SRGAP3: variants seen among roughly 807,000 people sequenced by gnomAD.
SRGAP3 encodes the protein SLIT-ROBO Rho GTPase activating protein 3.
In SRGAP3, 39 loss-of-function variants were observed where a neutral mutation model predicts 121.1. The ratio of observed to expected loss-of-function variants is 0.32; its 90% confidence interval spans 0.25 to 0.42. The LOEUF is 0.42. Among genes scored for constraint, SRGAP3 ranks in the 10% least tolerant of loss-of-function variants. The pLI, the probability that SRGAP3 is intolerant of heterozygous loss-of-function variation, is 1.00. For missense variants in SRGAP3, 1,213 were observed against 1,470.6 expected (o/e 0.82, Z 2.86); for synonymous variants, 601 against 570.0 (o/e 1.05, Z -0.77).
chr3:9,135,226 G>A (rs966531762), intron 1 of SRGAP3, among the ~76,000 whole-genome samples: 3 of 152,180 alleles, frequency 2.0e-5, no homozygotes, highest in African/African-American at 7.2e-5. Context: ...GCTTTATAAA[G>A]TTAAGCTATG....
At chr3:9,046,268 C>A (rs1366548417) in intron 10 of SRGAP3, among the ~76,000 whole-genome samples, 1 of 152,218 alleles carries the variant, frequency 6.6e-6, no homozygotes, top group Non-Finnish European at 1.5e-5. Context: ...TGACAGAAAT[C>A]AGATCAGAGT....
intron 14 of SRGAP3, among the ~76,000 whole-genome samples, chr3:9,023,789 G>A (rs1199872908): frequency 6.6e-6 from 1 of 152,152 alleles, no homozygotes; most frequent in Non-Finnish European, 1.5e-5. Context: ...GGGCTCCCTG[G>A]TTCTAAGCAC....
At chr3:9,208,167 T>C (rs1952329018) in intron 1 of SRGAP3, among the ~76,000 whole-genome samples, 1 of 152,066 alleles carries the variant, frequency 6.6e-6, no homozygotes, top group African/African-American at 2.4e-5. Flanking sequence ...AGCAAGAGTA[T>C]GTCCACCCTT....
rs535375742 is a variant in SRGAP3 at position 9,327,313 on chromosome 3, T to C, written n.284-1145A>G. Among the ~76,000 whole-genome samples the C allele has an allele frequency of 4.3e-4, 66 of 151,982 alleles. 1 individual carries two copies. Among genetic ancestry groups the C allele is most frequent in the African/African-American group, 1.6e-3 (65 of 41,572 alleles). The stretch of plus-strand genomic sequence containing the variant: ...ACCATTTTAACTTTAGCCAACATGT[T>C]CACACACAGAATCTCTTACAATTAA... On this transcript the variant is annotated intron_variant and non_coding_transcript_variant, in intron 2 of 3. Coordinates refer to the SRGAP3 transcript ENST00000490889.
chr3:9,004,079 T>C (rs1942925843), intron 18 of SRGAP3, among the ~76,000 whole-genome samples: 1 of 152,184 alleles, frequency 6.6e-6, no homozygotes, highest in African/African-American at 2.4e-5. Flanking sequence ...AAATCAATTA[T>C]ATTTCCATAC....
At chr3:9,192,370 T>G (rs1271926205) in intron 1 of SRGAP3, 2 of 152,256 alleles carry the variant, frequency 1.3e-5, no homozygotes, top group African/African-American at 4.8e-5. Flanking sequence ...CTGTATCGGT[T>G]TGATTCCAGG....
intron 1 of SRGAP3, among the ~76,000 whole-genome samples, chr3:9,133,508 T>C (rs1477529567): frequency 2.6e-5 from 4 of 152,184 alleles, no homozygotes; most frequent in Admixed American, 1.3e-4. Flanking sequence ...TAATACATCA[T>C]GGAGATCAGT....
chr3:9,161,158 T>C lies in SRGAP3; in HGVS notation c.68-36241A>G, dbSNP rs533626922. Among the ~76,000 whole-genome samples, 39 of 152,356 alleles carry C rather than the reference T, an allele frequency of 2.6e-4. No homozygotes were observed. The South Asian group carries it at 7.9e-3, about 31-fold the overall frequency. On this transcript the variant is annotated intron_variant, in intron 1 of 21. Transcript: ENST00000383836. ...GAGTGCCTACAAAATGCTTATTAAA[T>C]ACTAATTAATTAATGAGAACAAAAT...
chr3:9,116,953 A>G (rs116096270), intron 2 of SRGAP3, among the ~76,000 whole-genome samples: 305 of 152,344 alleles, frequency 2.0e-3, no homozygotes, highest in African/African-American at 7.1e-3. Context: ...CCAGTACAGC[A>G]CTTGGTCCAC....
At chr3:9,214,554 G>T (rs1057267742) in intron 1 of SRGAP3, among the ~76,000 whole-genome samples, 1 of 152,176 alleles carries the variant, frequency 6.6e-6, no homozygotes, top group Admixed American at 6.5e-5. Flanking sequence ...GTTACTTGCA[G>T]GACTAAGTTA....
intron 1 of SRGAP3, among the ~76,000 whole-genome samples, chr3:9,225,003 G>C (rs915650198): frequency 1.3e-5 from 2 of 152,164 alleles, no homozygotes; most frequent in African/African-American, 4.8e-5. Flanking sequence ...TCAACTCGTA[G>C]CAGCCAACAG....
chr3:9,070,875 G>GTGATGCCAAGCA (rs1946673797), intron 4 of SRGAP3, among the ~76,000 whole-genome samples: 1 of 152,194 alleles, frequency 6.6e-6, no homozygotes, highest in African/African-American at 2.4e-5. Flanking sequence ...AACTGTAGTA[G>GTGATGCCAAGCA]AGATACAGGC....
rs1179418004 is a variant in SRGAP3, at chr3:9,235,097, C to T, written c.67+13788G>A. The stretch of plus-strand genomic sequence containing the variant: ...ACAGAAGTGACCAACACAAGCCAGG[C>T]GCCACAAGAGAGTGGTGTCCCCTCC... On this transcript the variant is annotated intron_variant, in intron 1 of 21. Transcript: ENST00000383836. Among the ~76,000 whole-genome samples the T allele has an allele frequency of 3.3e-5, 5 of 152,154 alleles. No individual in the cohort carries two copies. The East Asian group carries it at 5.8e-4, about 18-fold the overall frequency.
chr3:9,246,326 C>T (rs901504982), intron 1 of SRGAP3, among the ~76,000 whole-genome samples: 7 of 152,168 alleles, frequency 4.6e-5, no homozygotes, highest in Non-Finnish European at 1.0e-4. Flanking sequence ...TAATTGGCCT[C>T]GGGCACTGTT....
intron 2 of SRGAP3, among the ~76,000 whole-genome samples, chr3:9,121,706 C>G (rs915860755): frequency 2.0e-5 from 3 of 152,190 alleles, no homozygotes; most frequent in African/African-American, 7.2e-5. Flanking sequence ...ATAGGGTGCC[C>G]CCCCATATCC....
intron 3 of SRGAP3, among the ~76,000 whole-genome samples, chr3:9,309,120 C>T (rs1955202701): frequency 6.6e-6 from 1 of 152,218 alleles, no homozygotes; most frequent in East Asian, 1.9e-4. Flanking sequence ...GACTCACTTG[C>T]TGTGTAAGAC....
At chr3:9,136,608 G>C (rs1949675174) in intron 1 of SRGAP3, among the ~76,000 whole-genome samples, 2 of 152,230 alleles carry the variant, frequency 1.3e-5, no homozygotes, top group African/African-American at 4.8e-5. Flanking sequence ...AGCCAGGCCG[G>C]TCAGCGGCCA....
intron 14 of SRGAP3, among the ~76,000 whole-genome samples, chr3:9,018,514 T>A (rs1281679164): frequency 6.6e-6 from 1 of 152,202 alleles, no homozygotes; most frequent in South Asian, 2.1e-4. Context: ...CTCGTCAGCA[T>A]CTGTTATTGT....
intron 1 of SRGAP3, among the ~76,000 whole-genome samples, chr3:9,177,722 G>A (rs985692170): frequency 1.3e-5 from 2 of 152,152 alleles, no homozygotes; most frequent in Admixed American, 1.3e-4. Flanking sequence ...ATCAACACTT[G>A]AGTGTTTCTT....
Sources: gnomAD v4.1 joint callset for allele counts (sites outside exome capture counted in the v4.1 genomes callset) on GRCh38, gnomAD v4.1.1 for gene constraint, MANE v1.5 for transcripts, NCBI Gene and HGNC (gene_info 2026-07-23, HGNC 2026-07-21) for gene names.